The following NUP188 variants were observed in gnomAD, a reference collection of about 807,000 sequenced individuals.
The protein encoded by NUP188 is nucleoporin NUP188.
A neutral mutation model predicts 223.0 loss-of-function variants in NUP188; 97 were observed. The observed-to-expected ratio is 0.43, with a 90% CI of 0.37 to 0.51. The LOEUF (loss-of-function observed/expected upper bound fraction) is 0.51. Among genes scored for constraint, NUP188 ranks in the 20% least tolerant of loss-of-function variants. The pLI is 0.00. For missense variants in NUP188, 1,947 were observed against 2,175.6 expected, an observed-to-expected ratio of 0.89 and a Z score of 2.09; for synonymous variants, 869 against 828.0, an observed-to-expected ratio of 1.05 and a Z score of -0.85.
chr9:128,956,931 C>T (rs1265683122), intron 4 of NUP188, 21 bp from the exon 5 acceptor site: 1 of 1,577,548 alleles, frequency 6.3e-7, no homozygotes, highest in East Asian at 2.2e-5. Context: ...CTGTTCCTTA[C>T]TTAAAATCTC....
intron 30 of NUP188, 45 bp from the exon 31 acceptor site, chr9:128,998,106 T>G (rs375612040): frequency 7.9e-5 from 115 of 1,448,394 alleles, no homozygotes; most frequent in African/African-American, 3.9e-4. Flanking sequence ...GCCTCTAAAA[T>G]CTGGAAAATT....
Position 128,995,413 on chromosome 9 carries a change from G to A in NUP188, c.3250G>A (p.Val1084Ile). 6.2e-7 allele frequency: 1 copy of A among 1,614,006 alleles called. No homozygotes were observed. The highest frequency in any genetic ancestry group is 8.5e-7 in the Non-Finnish European group (1 of 1,179,964). The change falls in exon 30 of 44, where the codon GTT (valine) becomes ATT (isoleucine). Residue 1084 changes from valine (V) to isoleucine (I), a missense_variant. Val to Ile is a conservative substitution (Grantham distance 29). Transcript: ENST00000372577. ...GTCAGGGTATGTCAAGTCATTGGCA[G>A]TTCACGTGGCCGAAACAGAAGGCAG... is the stretch of plus-strand genomic sequence containing the variant. The part of the protein sequence containing the change: ...YWSGYVKSLA[V>I]HVAETEGSSC...
intron 8 of NUP188, among the ~76,000 whole-genome samples, chr9:128,965,506 G>A (rs1245078041): frequency 6.6e-6 from 1 of 152,038 alleles, no homozygotes; most frequent in Non-Finnish European, 1.5e-5. Context: ...AAACTGGAGT[G>A]CAGTGGCGCA....
At position 129,002,821 on chromosome 9, in the gene NUP188, C is replaced by G. The variant is rs896425897; in HGVS notation, c.4142C>G (p.Pro1381Arg). Residue 1381 changes from proline to arginine, a missense_variant, in exon 37 of 44, where the codon CCT becomes CGT. Around this residue, in one of 3 missense-constraint regions of NUP188, gnomAD observed 905 missense variants for 990.6 expected, o/e 0.91. Transcript: ENST00000372577. ...TGTCTGCTGTTTGTATCTTAGACAC[C>G]TAGTGCCTCTCGGAAGTCCCTGGAT... ...QLSTNGTAQTPSASRKSLDAP... is the reference protein window; with the variant it reads ...QLSTNGTAQTRSASRKSLDAP... 6.2e-7 allele frequency: 1 copy of G among 1,613,704 alleles called. No homozygotes were observed. Among genetic ancestry groups the G allele is most frequent in the Non-Finnish European group, 8.5e-7 (1 of 1,179,812 alleles).
Position 128,999,878 on chromosome 9 carries a change from G to C in NUP188, c.3843+73G>C, listed in dbSNP as rs548260277. 60 of 1,428,892 alleles carry C rather than the reference G, an allele frequency of 4.2e-5. No homozygotes were observed. The African/African-American group carries it at 7.1e-4, about 17-fold the overall frequency. The allele number at this position is 1,428,892 out of a possible 1,614,324, so 88.5% of individuals were successfully genotyped here. A position where few individuals can be genotyped will look rare whatever the true frequency, so the allele number is the denominator to read the frequency against. On this transcript the variant is annotated intron_variant, in intron 34 of 43. Coordinates refer to ENST00000372577, the MANE Select transcript of NUP188 (RefSeq NM_015354.3). Reference sequence around the variant, plus strand: ...GCTCTGTGCCTGACTCTGGGGATAAGTAGTGATCAAGACAGATAGTCGCTG... The same window carrying C: ...GCTCTGTGCCTGACTCTGGGGATAACTAGTGATCAAGACAGATAGTCGCTG...
intron 14 of NUP188, 58 bp from the exon 15 acceptor site, chr9:128,981,206 G>T (rs1842248874): frequency 6.3e-7 from 1 of 1,589,580 alleles, no homozygotes; most frequent in Admixed American, 1.8e-5. Context: ...GCAGACTGTG[G>T]GACCTCTCCT....
intron 8 of NUP188, among the ~76,000 whole-genome samples, chr9:128,966,579 C>G (rs1842034152): frequency 6.6e-6 from 1 of 152,108 alleles, no homozygotes; most frequent in Admixed American, 6.6e-5. Context: ...CTGAAGGGAT[C>G]TGACCACCTT....
In NUP188 at chr9:128,998,185, G is replaced by A. The variant is rs186381323; in HGVS notation, c.3386G>A (p.Arg1129His). 1,285 of 1,613,972 alleles carry A rather than the reference G, an allele frequency of 8.0e-4. 6 individuals carry two copies. The Middle Eastern group carries it at 8.9e-3, about 11-fold the overall frequency. The change falls in exon 31 of 44, where the codon CGT becomes CAT. Residue 1129 changes from arginine to histidine, a missense_variant. Around this residue, in one of 3 missense-constraint regions of NUP188, gnomAD observed 905 missense variants for 990.6 expected, o/e 0.91. Coordinates refer to ENST00000372577, the MANE Select transcript of NUP188 (RefSeq NM_015354.3). ...DIMHLTDSVV[R>H]RQLFLDVLDG... ...ATGCACCTGACTGACTCTGTGGTGC[G>A]TCGCCAGCTCTTTCTTGACGTGCTT...
intron 25 of NUP188, among the ~76,000 whole-genome samples, chr9:128,990,531 A>G (rs1842403958): frequency 6.6e-6 from 1 of 151,760 alleles, no homozygotes; most frequent in African/African-American, 2.4e-5. Context: ...TTCAAGACCA[A>G]CCTGGCCAAG....
chr9:128,983,529 C>G lies in NUP188; in HGVS notation c.1940C>G (p.Ser647Cys). ...TTACCATTTGTGGCCCATCCTGTCT[C>G]CAGCCTGAGTCAGATGATTAGGTGA... The part of the protein sequence containing the change: ...GFLPFVAHPV[S>C]SLSQMISAEG... The change falls in exon 19 of 44, where the codon TCC becomes TGC. Residue 647 changes from serine (S) to cysteine (C), a missense_variant. Around this residue, in one of 3 missense-constraint regions of NUP188, gnomAD observed 817 missense variants for 865.8 expected, o/e 0.94. Transcript: ENST00000372577. 1.9e-6 allele frequency: 3 copies of G among 1,614,076 alleles called. No homozygotes were observed. The highest frequency in any genetic ancestry group is 2.5e-6 in the Non-Finnish European group (3 of 1,179,948).
At chr9:128,993,955 C>A (rs1842473992) in intron 27 of NUP188, among the ~76,000 whole-genome samples, 1 of 152,166 alleles carries the variant, frequency 6.6e-6, no homozygotes, top group African/African-American at 2.4e-5. Context: ...ACTCATTATT[C>A]TTGAGAAACA....
chr9:128,995,170 T>C (rs1470676581), intron 29 of NUP188, 149 bp from the exon 30 acceptor site: 2 of 666,324 alleles, frequency 3.0e-6, no homozygotes, highest in Non-Finnish European at 5.2e-6. Context: ...TGGAAAGGCC[T>C]CAGCCTAACC....
intron 35 of NUP188, 47 bp from the exon 36 acceptor site, chr9:129,001,837 G>GTA: frequency 6.3e-7 from 1 of 1,598,982 alleles, no homozygotes; most frequent in Non-Finnish European, 8.6e-7. Context: ...ACCCTAGGCA[G>GTA]GGCAGGGGCA....
intron 3 of NUP188, among the ~76,000 whole-genome samples, chr9:128,955,361 A>C (rs867474639): frequency 1.7e-4 from 26 of 151,786 alleles, no homozygotes; most frequent in South Asian, 6.2e-4. Context: ...GGTGGAGATG[A>C]GGGTCTCACT....
chr9:128,954,217 T>A (rs980264886), intron 3 of NUP188, among the ~76,000 whole-genome samples: 11 of 152,096 alleles, frequency 7.2e-5, no homozygotes, highest in African/African-American at 2.7e-4. Context: ...TGACAATGTC[T>A]TAGTCTTTTT....
intron 29 of NUP188, 86 bp downstream of exon 29, chr9:128,995,009 G>C (rs753545220): frequency 9.9e-7 from 1 of 1,009,406 alleles, no homozygotes; most frequent in South Asian, 1.3e-5. Flanking sequence ...GGCTGGAAGA[G>C]CCAAGGCAGA....
intron 8 of NUP188, among the ~76,000 whole-genome samples, chr9:128,966,821 T>C (rs1842036903): frequency 6.6e-6 from 1 of 152,052 alleles, no homozygotes; most frequent in Non-Finnish European, 1.5e-5. Context: ...ATAGTATGAG[T>C]TTATTAGCAA....
intron 25 of NUP188, among the ~76,000 whole-genome samples, chr9:128,992,850 G>A (rs1842455858): frequency 6.6e-6 from 1 of 152,150 alleles, no homozygotes; most frequent in Non-Finnish European, 1.5e-5. Context: ...AAAAAACATT[G>A]TAACAGTTTA....
intron 1 of NUP188, 63 bp downstream of exon 1, chr9:128,947,814 C>A (rs980244395): frequency 1.5e-6 from 2 of 1,313,216 alleles, no homozygotes; most frequent in South Asian, 2.1e-5. Context: ...CGAGCGGAAG[C>A]GGGGCGGGAA....
Sources: allele counts gnomAD v4.1 joint callset (sites outside exome capture counted in the v4.1 genomes callset), GRCh38; gene constraint gnomAD v4.1.1; regional missense constraint gnomAD v4.1.1; transcripts MANE v1.5; gene names NCBI Gene and HGNC (gene_info 2026-07-23, HGNC 2026-07-21).